The following FIGN variants were observed in gnomAD, a reference collection of about 807,000 sequenced individuals.
The protein encoded by FIGN is fidgetin.
A neutral mutation model predicts 51.3 loss-of-function variants in FIGN; 11 were observed. The observed-to-expected ratio is 0.21, with a 90% CI of 0.13 to 0.35. The LOEUF is 0.35. FIGN is among the 10% of genes least tolerant of loss of function. FIGN has a pLI of 1.00. For missense variants in FIGN, 857 were observed against 943.6 expected, an observed-to-expected ratio of 0.91 and a Z score of 1.20; for synonymous variants, 407 against 363.2, an observed-to-expected ratio of 1.12 and a Z score of -1.37.
intron 2 of FIGN, among the ~76,000 whole-genome samples, chr2:163,621,901 G>A (rs74928563): frequency 0.012 from 1,882 of 152,252 alleles, 30 homozygotes; most frequent in East Asian, 0.091. Flanking sequence ...AACAGGAGGA[G>A]AGACTGCAAG....
chr2:163,734,082 T>C (rs570567788), intron 2 of FIGN, among the ~76,000 whole-genome samples: 1 of 152,048 alleles, frequency 6.6e-6, no homozygotes, highest in South Asian at 2.1e-4. Context: ...CCACAAGAGC[T>C]ATTGAAAATC....
chr2:163,734,084 T>C (rs1266234733), intron 2 of FIGN, among the ~76,000 whole-genome samples: 2 of 151,992 alleles, frequency 1.3e-5, no homozygotes, highest in African/African-American at 2.4e-5. Flanking sequence ...ACAAGAGCTA[T>C]TGAAAATCCC....
chr2:163,641,703 C>T (rs1330866822), intron 2 of FIGN, among the ~76,000 whole-genome samples: 1 of 150,688 alleles, frequency 6.6e-6, no homozygotes, highest in Admixed American at 6.6e-5. Flanking sequence ...GCAGCAAATG[C>T]CATGGCAAAT....
At chr2:163,636,589 T>C (rs1382174709) in intron 2 of FIGN, among the ~76,000 whole-genome samples, 2 of 152,144 alleles carry the variant, frequency 1.3e-5, no homozygotes, top group Non-Finnish European at 2.9e-5. Context: ...CCGACTCTAA[T>C]GGTGATATTA....
intron 2 of FIGN, among the ~76,000 whole-genome samples, chr2:163,632,397 A>C (rs1201548852): frequency 1.3e-5 from 2 of 152,114 alleles, no homozygotes; most frequent in East Asian, 3.9e-4. Context: ...CCATAGCATA[A>C]AGGCTTAACA....
In FIGN at chr2:163,610,698, T is replaced by C. The variant is rs780824403; in HGVS notation, c.1134A>G (p.Pro378=). The part of the protein sequence containing the change: ...SAETSSLAFK[P]TKQLMSSEQQ... Reference sequence around the variant, plus strand: ...GTTCAGAGGACATTAGCTGCTTCGTTGGCTTAAATGCTAAGGATGATGTTT... The same window carrying C: ...GTTCAGAGGACATTAGCTGCTTCGTCGGCTTAAATGCTAAGGATGATGTTT... The change falls in exon 3 of 3, where the codon CCA becomes CCG. Residue 378 remains proline (P), a synonymous_variant. Transcript: ENST00000333129. The C allele has an allele frequency of 6.2e-7, 1 of 1,614,232 alleles. No homozygotes were observed. Among genetic ancestry groups the C allele is most frequent in the Non-Finnish European group, 8.5e-7 (1 of 1,180,030 alleles).
chr2:163,643,392 T>A (rs1235105214), intron 2 of FIGN, among the ~76,000 whole-genome samples: 1 of 152,200 alleles, frequency 6.6e-6, no homozygotes, highest in Admixed American at 6.5e-5. Flanking sequence ...AGCTGATGCT[T>A]GTAATCCCAG....
chr2:163,710,178 G>A (rs532603217), intron 2 of FIGN, among the ~76,000 whole-genome samples: 4 of 152,186 alleles, frequency 2.6e-5, no homozygotes, highest in Admixed American at 6.5e-5. Context: ...AAATACCCTC[G>A]ATGCAGAAAG....
intron 2 of FIGN, among the ~76,000 whole-genome samples, chr2:163,652,229 T>A (rs1683488070): frequency 6.6e-6 from 1 of 151,964 alleles, no homozygotes; most frequent in Admixed American, 6.6e-5. Flanking sequence ...AAAAGCTAAA[T>A]AAAAAATAAC....
At chr2:163,646,457 C>G (rs1273446850) in intron 2 of FIGN, among the ~76,000 whole-genome samples, 2 of 152,098 alleles carry the variant, frequency 1.3e-5, no homozygotes, top group African/African-American at 2.4e-5. Context: ...CAACATTTTA[C>G]TTTTCAAGCT....
chr2:163,628,997 T>C (rs1379731831), intron 2 of FIGN, among the ~76,000 whole-genome samples: 1 of 152,100 alleles, frequency 6.6e-6, no homozygotes, highest in Non-Finnish European at 1.5e-5. Context: ...GAGTTTTAGC[T>C]TGTACAAGCA....
At chr2:163,624,266 G>A (rs1477801519) in intron 2 of FIGN, among the ~76,000 whole-genome samples, 1 of 151,884 alleles carries the variant, frequency 6.6e-6, no homozygotes, top group Non-Finnish European at 1.5e-5. Context: ...TGGTGCAATA[G>A]CTCCCTGTAT....
chr2:163,728,432 ACAC>A (rs1684874167), intron 2 of FIGN, among the ~76,000 whole-genome samples: 1 of 151,610 alleles, frequency 6.6e-6, no homozygotes, highest in African/African-American at 2.4e-5. Context: ...ACACACACAC[ACAC>A]ACAAAGTTCC....
chr2:163,698,226 T>C (rs1394078409), intron 2 of FIGN, among the ~76,000 whole-genome samples: 1 of 152,150 alleles, frequency 6.6e-6, no homozygotes, highest in East Asian at 1.9e-4. Context: ...TCTCTGCCTC[T>C]CCTCATCTTC....
At chr2:163,668,229 G>T (rs114360209) in intron 2 of FIGN, among the ~76,000 whole-genome samples, 1 of 152,032 alleles carries the variant, frequency 6.6e-6, no homozygotes, top group Non-Finnish European at 1.5e-5. Context: ...GACACCATGG[G>T]GCTAAAGGAA....
chr2:163,721,079 A>C (rs1684749752), intron 2 of FIGN, among the ~76,000 whole-genome samples: 1 of 152,212 alleles, frequency 6.6e-6, no homozygotes. Context: ...CATGGTTCAT[A>C]CTTTGTGGCC....
Position 163,604,305 on chromosome 2 carries a change from C to A in FIGN, c.*5247G>T, listed in dbSNP as rs1213048087. On this transcript the variant is annotated 3_prime_UTR_variant, in exon 3 of 3. Transcript: ENST00000333129. The stretch of plus-strand genomic sequence containing the variant: ...AATACTTGGGAATGCTAACACATTT[C>A]TCAGAGATGGGCACATAGGAATAAA... 6.6e-6 allele frequency: 1 copy of A among 152,100 alleles called. No homozygotes were observed. Among genetic ancestry groups the A allele is most frequent in the Non-Finnish European group, 1.5e-5 (1 of 67,996 alleles). The allele number at this position is 152,100 out of a possible 1,614,324, so 9.4% of individuals were successfully genotyped here. A position where few individuals can be genotyped will look rare whatever the true frequency, so the allele number is the denominator to read the frequency against.
intron 2 of FIGN, among the ~76,000 whole-genome samples, chr2:163,642,082 C>T (rs1318779303): frequency 6.6e-6 from 1 of 152,138 alleles, no homozygotes; most frequent in Non-Finnish European, 1.5e-5. Context: ...TGAAATATTC[C>T]TTTTCCAATA....
intron 2 of FIGN, among the ~76,000 whole-genome samples, chr2:163,723,849 T>C (rs1244054129): frequency 6.6e-6 from 1 of 152,176 alleles, no homozygotes; most frequent in East Asian, 1.9e-4. Flanking sequence ...ATGCAACCAA[T>C]TAGTAAGCAT....
Sources: allele counts gnomAD v4.1 joint callset (sites outside exome capture counted in the v4.1 genomes callset), GRCh38; gene constraint gnomAD v4.1.1; transcripts MANE v1.5; gene names NCBI Gene and HGNC (gene_info 2026-07-23, HGNC 2026-07-21).